The following EYS variants were observed in gnomAD, a reference collection of about 807,000 sequenced individuals.
EYS encodes protein eyes shut homolog.
Under a neutral mutation model 282.1 loss-of-function variants are expected in EYS, and 250 were observed. That is an observed-to-expected ratio of 0.89 (90% CI 0.80 to 0.98). The LOEUF is 0.98. Among genes scored for constraint, EYS ranks in the 50% least tolerant of loss-of-function variants. The pLI, the probability that EYS is intolerant of heterozygous loss-of-function variation, is 0.00. For synonymous variants in EYS, 1,355 were observed against 1,282.9 expected (o/e 1.06, Z -1.20); for missense variants, 4,016 against 3,709.0 (o/e 1.08, Z -2.15).
chr6:65,125,907 T>G (rs1040282596), intron 12 of EYS, among the ~76,000 whole-genome samples: 11 of 152,164 alleles, frequency 7.2e-5, no homozygotes, highest in Admixed American at 1.3e-4. Context: ...GGGGTATGTG[T>G]GGCTTTATCA....
At chr6:64,940,018 T>G (rs1319730499) in intron 15 of EYS, among the ~76,000 whole-genome samples, 1 of 152,020 alleles carries the variant, frequency 6.6e-6, no homozygotes, top group Non-Finnish European at 1.5e-5. Context: ...TTGAAAACAT[T>G]GGCTTTCACT....
chr6:64,328,618 G>A (rs551652228), intron 29 of EYS, among the ~76,000 whole-genome samples: 9 of 152,150 alleles, frequency 5.9e-5, no homozygotes, highest in African/African-American at 1.4e-4. Flanking sequence ...GACATAAAGC[G>A]AAAGCTTCAG....
At chr6:65,378,175 A>G (rs776959149) in intron 8 of EYS, among the ~76,000 whole-genome samples, 2 of 152,196 alleles carry the variant, frequency 1.3e-5, no homozygotes, top group Non-Finnish European at 2.9e-5. Context: ...AAGAACTTAA[A>G]CAAATTTACA....
rs114481938 is a variant in EYS, at chr6:65,219,044, C to T, written c.2023+76819G>A. 2.9e-3 allele frequency among the ~76,000 whole-genome samples: 446 copies of T among 152,186 alleles called. 3 individuals are homozygous for T. The highest frequency in any genetic ancestry group is 0.01 in the African/African-American group (422 of 41,548). ...AGAAGTTATTTCTTTATTATGATCT[C>T]AGCAAGCCTTAATTTACATAGAAGA... On this transcript the variant is annotated intron_variant, in intron 12 of 42. Coordinates refer to ENST00000503581, the MANE Select transcript of EYS (RefSeq NM_001142800.2).
intron 29 of EYS, among the ~76,000 whole-genome samples, chr6:64,364,075 T>C (rs1172276998): frequency 6.6e-6 from 1 of 151,934 alleles, no homozygotes; most frequent in Non-Finnish European, 1.5e-5. Flanking sequence ...TTTTTTTCCC[T>C]GTACAGTTGA....
At chr6:65,182,379 TAA>T (rs1321344311) in intron 12 of EYS, among the ~76,000 whole-genome samples, 10 of 151,612 alleles carry the variant, frequency 6.6e-5, no homozygotes, top group Non-Finnish European at 1.5e-4. Context: ...TTAAAGCTTT[TAA>T]AAGTTTTGTT....
At chr6:65,559,948 T>G (rs1419283712) in intron 2 of EYS, among the ~76,000 whole-genome samples, 1 of 151,220 alleles carries the variant, frequency 6.6e-6, no homozygotes, top group African/African-American at 2.4e-5. Context: ...TAAAATACTT[T>G]CTAGTTTCTT....
chr6:64,549,430 A>T (rs989754621), intron 26 of EYS, among the ~76,000 whole-genome samples: 3 of 152,178 alleles, frequency 2.0e-5, no homozygotes, highest in Non-Finnish European at 4.4e-5. Context: ...CACAATTTTA[A>T]TAATAAGCAG....
At chr6:64,484,964 A>C (rs1776539567) in intron 26 of EYS, among the ~76,000 whole-genome samples, 1 of 151,654 alleles carries the variant, frequency 6.6e-6, no homozygotes, top group African/African-American at 2.4e-5. Flanking sequence ...TCCACTAGAT[A>C]TGATTTTCAA....
At chr6:64,434,107 C>T (rs1217692973) in intron 28 of EYS, among the ~76,000 whole-genome samples, 1 of 151,802 alleles carries the variant, frequency 6.6e-6, no homozygotes, top group East Asian at 1.9e-4. Context: ...TCCAATGTGT[C>T]TGGTGATCTT....
chr6:64,902,244 C>T, intron 17 of EYS, 24 bp from the exon 18 acceptor site: 1 of 1,476,906 alleles, frequency 6.8e-7, no homozygotes, highest in Non-Finnish European at 9.2e-7. Flanking sequence ...AATTTAGTAA[C>T]TCCATTAGTA....
At chr6:64,315,481 C>T (rs1178238822) in intron 29 of EYS, among the ~76,000 whole-genome samples, 30 of 151,330 alleles carry the variant, frequency 2.0e-4, no homozygotes, top group Admixed American at 6.6e-5. Flanking sequence ...ACATTTCAGG[C>T]CAATATCCCT....
intron 11 of EYS, among the ~76,000 whole-genome samples, chr6:65,316,827 G>T (rs933901010): frequency 5.3e-5 from 8 of 152,150 alleles, no homozygotes; most frequent in Non-Finnish European, 8.8e-5. Context: ...TGTTGTGGCT[G>T]CATAGTATTC....
intron 12 of EYS, among the ~76,000 whole-genome samples, chr6:65,148,975 G>A (rs976625493): frequency 6.6e-6 from 1 of 152,060 alleles, no homozygotes; most frequent in African/African-American, 2.4e-5. Flanking sequence ...TCCTGAGGCT[G>A]CACGGAGTGG....
chr6:64,970,570 C>T (rs1312082574), intron 14 of EYS, among the ~76,000 whole-genome samples: 1 of 152,166 alleles, frequency 6.6e-6, no homozygotes, highest in Non-Finnish European at 1.5e-5. Context: ...CCACTTAAAA[C>T]ATCATGTGAT....
intron 22 of EYS, among the ~76,000 whole-genome samples, chr6:64,703,560 T>G (rs6932647): frequency 0.68 from 101,099 of 148,862 alleles, 35,400 homozygotes; most frequent in Middle Eastern, 0.77. Flanking sequence ...AGCCTCCCGA[T>G]TAGCTGGGAC....
At chr6:65,296,448 T>G (rs1768668408) in intron 11 of EYS, among the ~76,000 whole-genome samples, 1 of 151,754 alleles carries the variant, frequency 6.6e-6, no homozygotes, top group Non-Finnish European at 1.5e-5. Context: ...ATTCATATAT[T>G]ATTAGGTTGG....
At position 63,836,502 on chromosome 6, in the gene EYS, A is replaced by C. The variant is rs184010026; in HGVS notation, c.7228+27684T>G. On this transcript the variant is annotated intron_variant, in intron 36 of 42. Transcript: ENST00000503581. ...AATATTAGTTTAATGTTAGAAACAG[A>C]AGGAAAAAAGTGAGCATAATAAACT... 4.9e-3 allele frequency among the ~76,000 whole-genome samples: 743 copies of C among 152,186 alleles called. 7 individuals carry two copies. Among genetic ancestry groups the C allele is most frequent in the South Asian group, 0.034 (164 of 4,824 alleles).
intron 14 of EYS, among the ~76,000 whole-genome samples, chr6:64,952,635 C>A (rs1444095201): frequency 6.6e-6 from 1 of 151,982 alleles, no homozygotes; most frequent in Non-Finnish European, 1.5e-5. Flanking sequence ...TATCCACCTG[C>A]AAATGTCAAA....
Sources: gnomAD v4.1 joint callset for allele counts (sites outside exome capture counted in the v4.1 genomes callset) on GRCh38, gnomAD v4.1.1 for gene constraint, MANE v1.5 for transcripts, NCBI Gene and HGNC (gene_info 2026-07-23, HGNC 2026-07-21) for gene names.